The following LYST variants were observed in gnomAD, a reference collection of about 807,000 sequenced individuals.
LYST encodes the protein lysosomal-trafficking regulator.
In LYST, 192 loss-of-function variants were observed where a neutral mutation model predicts 413.6. The observed-to-expected ratio is 0.46, with a 90% confidence interval of 0.41 to 0.52. LYST has a LOEUF of 0.52. Ranked by LOEUF, LYST falls within the 20% of genes least tolerant of loss-of-function variation. The probability of loss-of-function intolerance (pLI) is 0.00; values close to 1 mark genes in which losing one functional copy is unlikely to be tolerated. For synonymous variants in LYST, 1,525 were observed against 1,567.3 expected, an observed-to-expected ratio of 0.97 and a Z score of 0.64; for missense variants, 3,815 against 4,499.9, an observed-to-expected ratio of 0.85 and a Z score of 4.35.
intron 7 of LYST, among the ~76,000 whole-genome samples, chr1:235,803,365 C>A (rs949078994): frequency 6.6e-6 from 1 of 151,930 alleles, no homozygotes; most frequent in South Asian, 2.1e-4. Flanking sequence ...TGACAAAAAA[C>A]CACAATGTGG....
chr1:235,751,725 C>T lies in LYST; in HGVS notation c.7627+280G>A, dbSNP rs1024316216. Reference sequence around the variant, plus strand: ...CATTAAAGAAAACTAAAGGGTATTACTATGCAACATACACTTTTAAATTCT... The same window carrying T: ...CATTAAAGAAAACTAAAGGGTATTATTATGCAACATACACTTTTAAATTCT... On this transcript the variant is annotated intron_variant, in intron 27 of 52. Coordinates refer to ENST00000389793, the MANE Select transcript of LYST (RefSeq NM_000081.4). Among the ~76,000 whole-genome samples, 6 of 152,060 alleles carry T rather than the reference C, an allele frequency of 3.9e-5. No homozygotes were observed. The East Asian group carries it at 1.2e-3, about 29-fold the overall frequency.
intron 47 of LYST, among the ~76,000 whole-genome samples, chr1:235,687,960 A>G (rs1457850788): frequency 6.6e-6 from 1 of 152,190 alleles, no homozygotes; most frequent in African/African-American, 2.4e-5. Context: ...CGTCTCTGCT[A>G]CCTTAGAAAA....
chr1:235,816,102 C>CCTGG lies in LYST; in HGVS notation c.193-3045_193-3042dup, dbSNP rs1459761697. Among the ~76,000 whole-genome samples, 4 of 118,450 alleles carry CCTGG rather than the reference C, an allele frequency of 3.4e-5. No homozygotes were observed. The Admixed American group carries it at 3.4e-4, about 10-fold the overall frequency. 77.7% of individuals were successfully genotyped at this position (118,450 alleles called of 152,430 possible). ...CCAAGATCACACCACTGCACTCCAG[C>CCTGG]CTGGCAACAAAGTGAGACTCCATCT... On this transcript the variant is annotated intron_variant, in intron 3 of 52. Coordinates refer to ENST00000389793, the MANE Select transcript of LYST (RefSeq NM_000081.4).
intron 43 of LYST, among the ~76,000 whole-genome samples, chr1:235,709,574 G>T (rs1662241269): frequency 6.7e-6 from 1 of 149,912 alleles, no homozygotes; most frequent in Non-Finnish European, 1.5e-5. Flanking sequence ...ACATATTGAA[G>T]AAAAGGAGAA....
In LYST at chr1:235,728,414, T is replaced by C. The variant is rs146395688; in HGVS notation, c.9107-283A>G. Reference sequence around the variant, plus strand: ...AATTAGAATATATGCAAAATGCATATGTGCTCAGTGCTAAATAAATGTTGG... The same window carrying C: ...AATTAGAATATATGCAAAATGCATACGTGCTCAGTGCTAAATAAATGTTGG... On this transcript the variant is annotated intron_variant, in intron 37 of 52. Transcript: ENST00000389793. 2.1e-4 allele frequency among the ~76,000 whole-genome samples: 32 copies of C among 152,364 alleles called. No homozygotes were observed. In the East Asian group the frequency reaches 6.0e-3, roughly 28 times the overall value.
chr1:235,738,705 G>C, intron 31 of LYST: 1 of 1,599,768 alleles, frequency 6.3e-7, no homozygotes, highest in African/African-American at 1.3e-5. Flanking sequence ...GCAGGTGGTT[G>C]AGAGTGCTTA....
intron 27 of LYST, among the ~76,000 whole-genome samples, chr1:235,751,588 A>C (rs967005184): frequency 6.6e-6 from 1 of 152,222 alleles, no homozygotes; most frequent in African/African-American, 2.4e-5. Context: ...TTAGCTCATA[A>C]ATTTATTTCA....
chr1:235,777,579 A>G (rs891076702), intron 16 of LYST, among the ~76,000 whole-genome samples: 7 of 152,332 alleles, frequency 4.6e-5, no homozygotes, highest in African/African-American at 1.7e-4. Flanking sequence ...AATATATATT[A>G]AGTTATACTA....
At chr1:235,723,006 G>A (rs565573369) in intron 39 of LYST, among the ~76,000 whole-genome samples, 34 of 152,330 alleles carry the variant, frequency 2.2e-4, no homozygotes, top group Middle Eastern at 3.4e-3. Context: ...GCTTAAACCA[G>A]GATGGTAGCA....
At chr1:235,841,360 C>T (rs1052261947) in intron 1 of LYST, among the ~76,000 whole-genome samples, 2 of 151,880 alleles carry the variant, frequency 1.3e-5, no homozygotes, top group African/African-American at 2.4e-5. Flanking sequence ...TTGGAAGAAC[C>T]GTATTTTTAG....
chr1:235,744,150 A>G lies in LYST; in HGVS notation c.7980T>C (p.Asn2660=), dbSNP rs2103269981. The part of the protein sequence containing the change: ...AVNRIIYQEF[N]SDIIDILRTP... ...TTCTCAAAATGTCAATAATGTCTGA[A>G]TTAAATTCTTTGAATTGAAAAAAAG... Residue 2660 remains asparagine (N), a synonymous_variant, in exon 30 of 53, where the codon AAT becomes AAC. Transcript: ENST00000389793. 6.4e-7 allele frequency: 1 copy of G among 1,560,614 alleles called. No homozygotes were observed. Among genetic ancestry groups the G allele is most frequent in the East Asian group, 2.3e-5 (1 of 44,434 alleles).
chr1:235,774,835 C>A, intron 18 of LYST, 78 bp downstream of exon 18: 1 of 960,942 alleles, frequency 1.0e-6, no homozygotes, highest in Non-Finnish European at 1.6e-6. Flanking sequence ...AAATACAAAA[C>A]TATTATTGGA....
At chr1:235,709,388 A>C in intron 43 of LYST, 80 bp from the exon 44 acceptor site, 1 of 1,148,086 alleles carries the variant, frequency 8.7e-7, no homozygotes, top group Non-Finnish European at 1.3e-6. Context: ...TTAAGAGTTC[A>C]CAAAAATAGC....
intron 40 of LYST, among the ~76,000 whole-genome samples, chr1:235,719,096 G>A (rs1415643090): frequency 6.6e-6 from 1 of 152,002 alleles, no homozygotes; most frequent in East Asian, 1.9e-4. Context: ...TCGGCTCATC[G>A]CAACCTCCCC....
intron 14 of LYST, 53 bp downstream of exon 14, chr1:235,787,146 GA>G (rs1670510183): frequency 3.7e-6 from 5 of 1,367,262 alleles, no homozygotes; most frequent in Admixed American, 1.7e-5. Flanking sequence ...ATTGACTAAT[GA>G]AACATAACAT....
At chr1:235,718,892 A>G (rs921105219) in intron 40 of LYST, among the ~76,000 whole-genome samples, 1 of 152,366 alleles carries the variant, frequency 6.6e-6, no homozygotes, top group South Asian at 2.1e-4. Flanking sequence ...TTTAAAAAGT[A>G]TCACTATGAC....
At chr1:235,681,423 C>T (rs1659806878) in intron 48 of LYST, among the ~76,000 whole-genome samples, 2 of 152,070 alleles carry the variant, frequency 1.3e-5, no homozygotes, top group African/African-American at 4.8e-5. Flanking sequence ...TACATTTTAT[C>T]CCCGAAGCAA....
intron 16 of LYST, among the ~76,000 whole-genome samples, chr1:235,778,722 C>A (rs1342764208): frequency 6.6e-6 from 1 of 151,426 alleles, no homozygotes; most frequent in Non-Finnish European, 1.5e-5. Context: ...ATCAGACATA[C>A]CACCCAGCGT....
chr1:235,662,305 G>A lies in LYST; in HGVS notation c.*635C>T, dbSNP rs1420333952. On this transcript the variant is annotated 3_prime_UTR_variant, in exon 53 of 53. Coordinates refer to ENST00000389793, the MANE Select transcript of LYST (RefSeq NM_000081.4). ...TGTTTGTGGCTGTCAAAAAAATTCT[G>A]GTTCTCCTTTGAGCTAAGAAAGCAA... 1.3e-5 allele frequency: 2 copies of A among 152,564 alleles called. No homozygotes were observed. The highest frequency in any genetic ancestry group is 1.3e-4 in the Admixed American group (2 of 15,340). 9.5% of individuals were successfully genotyped at this position (152,564 alleles called of 1,614,324 possible). A position where few individuals can be genotyped will look rare whatever the true frequency, so the allele number is the denominator to read the frequency against.
Sources: gnomAD v4.1 joint callset for allele counts (sites outside exome capture counted in the v4.1 genomes callset) on GRCh38, gnomAD v4.1.1 for gene constraint, MANE v1.5 for transcripts, NCBI Gene and HGNC (gene_info 2026-07-23, HGNC 2026-07-21) for gene names.